The following CAMTA1 variants were observed in gnomAD, a reference collection of about 807,000 sequenced individuals.
The protein encoded by CAMTA1 is calmodulin-binding transcription activator 1.
CAMTA1 carries 27 observed loss-of-function variants against 170.9 expected under a neutral mutation model. The observed-to-expected ratio is 0.16, with a 90% CI of 0.12 to 0.22. The LOEUF (loss-of-function observed/expected upper bound fraction) is 0.22. CAMTA1 is among the 10% of genes least tolerant of loss of function. CAMTA1 has a pLI of 1.00. For missense variants in CAMTA1, 1,619 were observed against 2,217.2 expected, an observed-to-expected ratio of 0.73 and a Z score of 5.42; for synonymous variants, 833 against 891.5, an observed-to-expected ratio of 0.93 and a Z score of 1.17.
chr1:7,266,286 G>A (rs181212479), intron 5 of CAMTA1, among the ~76,000 whole-genome samples: 5 of 152,186 alleles, frequency 3.3e-5, no homozygotes, highest in African/African-American at 7.2e-5. Context: ...TTTGGACACC[G>A]GTGTGTTCAG....
At chr1:7,159,311 A>G (rs1052338282) in intron 4 of CAMTA1, among the ~76,000 whole-genome samples, 1 of 152,084 alleles carries the variant, frequency 6.6e-6, no homozygotes, top group Non-Finnish European at 1.5e-5. Flanking sequence ...TACAAACCAG[A>G]ACAGCTGGAA....
rs1394818211 is a variant in CAMTA1, at chr1:7,456,419, G to A, written c.439-11411G>A. On this transcript the variant is annotated intron_variant, in intron 5 of 22. Transcript: ENST00000303635. This position sits in a 1 kb window ranked among gnomAD's most constrained non-coding sequence, Gnocchi z 4.9. ...AGCGGTACATTTTGATGAAAGAGAGGGAATTTCACTTTATTTATATATTAT... is the reference window on the plus strand; with the variant it reads ...AGCGGTACATTTTGATGAAAGAGAGAGAATTTCACTTTATTTATATATTAT... Among the ~76,000 whole-genome samples the A allele has an allele frequency of 6.6e-6, 1 of 152,044 alleles. No homozygotes were observed. Among genetic ancestry groups the A allele is most frequent in the East Asian group, 1.9e-4 (1 of 5,192 alleles).
In CAMTA1 at chr1:7,475,220, C is replaced by A. The variant is rs541769313; in HGVS notation, c.510+7319C>A. On this transcript the variant is annotated intron_variant, in intron 6 of 22. Transcript: ENST00000303635. ...CTCAGCAACCATTTTTATGTTTCAT[C>A]AGGGTGAAATAGAAATGGCTTGGAA... Among the ~76,000 whole-genome samples, 7 of 152,234 alleles carry A rather than the reference C, an allele frequency of 4.6e-5. No individual in the cohort carries two copies. The South Asian group carries it at 1.4e-3, about 32-fold the overall frequency.
intron 5 of CAMTA1, among the ~76,000 whole-genome samples, chr1:7,419,376 C>G (rs1055626854): frequency 2.6e-5 from 4 of 152,062 alleles, no homozygotes; most frequent in Non-Finnish European, 5.9e-5. Context: ...AGGCTGGTCT[C>G]GAACTTCTGA....
chr1:7,704,237 G>A (rs2096478418), intron 11 of CAMTA1, among the ~76,000 whole-genome samples: 1 of 146,756 alleles, frequency 6.8e-6, no homozygotes. Context: ...GGAGCTTCGG[G>A]CGGCCCCGAC....
chr1:7,539,560 T>C (rs1183424943), intron 6 of CAMTA1, among the ~76,000 whole-genome samples: 1 of 152,254 alleles, frequency 6.6e-6, no homozygotes, highest in Non-Finnish European at 1.5e-5. Context: ...TTTGTGGGAA[T>C]GGCGCCTCCT....
intron 6 of CAMTA1, among the ~76,000 whole-genome samples, chr1:7,602,082 TCC>T (rs2095449814): frequency 2.7e-5 from 1 of 36,442 alleles, no homozygotes; most frequent in African/African-American, 1.8e-4. Flanking sequence ...CAATTTTCTT[TCC>T]TTCCTTCCTT....
At chr1:7,179,772 A>G (rs574899986) in intron 4 of CAMTA1, among the ~76,000 whole-genome samples, 3 of 152,324 alleles carry the variant, frequency 2.0e-5, no homozygotes, top group Non-Finnish European at 2.9e-5. Flanking sequence ...AAATGCTTTT[A>G]TTAATAAAAA....
intron 3 of CAMTA1, among the ~76,000 whole-genome samples, chr1:6,842,807 C>T (rs886558599): frequency 6.6e-6 from 1 of 151,900 alleles, no homozygotes; most frequent in Non-Finnish European, 1.5e-5. Context: ...GCCTGTAATC[C>T]CAGCTACTCG....
chr1:7,727,248 G>A (rs940826715), intron 11 of CAMTA1, among the ~76,000 whole-genome samples: 2 of 150,718 alleles, frequency 1.3e-5, no homozygotes, highest in Non-Finnish European at 2.9e-5. Flanking sequence ...TCAGCCTCCT[G>A]AGTAGCTGGA....
At chr1:7,269,818 G>A (rs570496119) in intron 5 of CAMTA1, among the ~76,000 whole-genome samples, 2 of 152,282 alleles carry the variant, frequency 1.3e-5, no homozygotes, top group Admixed American at 1.3e-4. Context: ...AGAACAGGTG[G>A]TCAAGACTTT....
intron 21 of CAMTA1, 42 bp from the exon 22 acceptor site, chr1:7,755,596 T>A: frequency 6.6e-7 from 1 of 1,505,108 alleles, no homozygotes; most frequent in Non-Finnish European, 9.2e-7. Context: ...GTTGTGACCC[T>A]CATGTGCTAA....
At chr1:7,266,309 T>C (rs1668920010) in intron 5 of CAMTA1, among the ~76,000 whole-genome samples, 1 of 152,184 alleles carries the variant, frequency 6.6e-6, no homozygotes, top group Admixed American at 6.5e-5. Context: ...TGTGATCTGA[T>C]ACTAGCAGGA....
chr1:6,849,645 A>T (rs544045836), intron 3 of CAMTA1, among the ~76,000 whole-genome samples: 2 of 151,758 alleles, frequency 1.3e-5, no homozygotes, highest in African/African-American at 2.4e-5. Flanking sequence ...TTATATATAT[A>T]TATATTTAGT....
chr1:7,596,193 T>C (rs2095398395), intron 6 of CAMTA1, among the ~76,000 whole-genome samples: 1 of 152,130 alleles, frequency 6.6e-6, no homozygotes, highest in Admixed American at 6.5e-5. Context: ...GGGGCATCAG[T>C]GCCCAGGAGC....
In CAMTA1 at chr1:7,635,676, G is replaced by C. The variant is rs946592348; in HGVS notation, c.511-4724G>C. Among the ~76,000 whole-genome samples the C allele has an allele frequency of 6.6e-6, 1 of 151,356 alleles. No homozygotes were observed. Among genetic ancestry groups the C allele is most frequent in the Non-Finnish European group, 1.5e-5 (1 of 67,962 alleles). ...CCCCTGCCGTGACTCTCAGATCCAG[G>C]CCCAACCCGGGCATTCCTGCAGGCC... On this transcript the variant is annotated intron_variant, in intron 6 of 22. Transcript: ENST00000303635. This position sits in a 1 kb window ranked among gnomAD's most constrained non-coding sequence, Gnocchi z 4.4.
At chr1:7,715,817 C>T (rs1421521319) in intron 11 of CAMTA1, among the ~76,000 whole-genome samples, 2 of 152,172 alleles carry the variant, frequency 1.3e-5, no homozygotes, top group Non-Finnish European at 2.9e-5. Flanking sequence ...TTGATGTATT[C>T]TGATGTGGCA....
At chr1:7,461,150 T>A (rs560256318) in intron 5 of CAMTA1, among the ~76,000 whole-genome samples, 1 of 152,214 alleles carries the variant, frequency 6.6e-6, no homozygotes, top group Non-Finnish European at 1.5e-5. Flanking sequence ...AGCTCAGGAA[T>A]GAGCTTTGCC....
chr1:7,587,285 C>T (rs2095318900), intron 6 of CAMTA1, among the ~76,000 whole-genome samples: 1 of 151,946 alleles, frequency 6.6e-6, no homozygotes. Context: ...AGAGCCCTGG[C>T]CAGACAGATA....
Sources: gnomAD v4.1 joint callset for allele counts (sites outside exome capture counted in the v4.1 genomes callset) on GRCh38, gnomAD v4.1.1 for gene constraint, Gnocchi (gnomAD v3.1) non-coding constraint, MANE v1.5 for transcripts, NCBI Gene and HGNC (gene_info 2026-07-23, HGNC 2026-07-21) for gene names.